Variants in TMEM132B observed in about 807,000 individuals in gnomAD.
TMEM132B encodes transmembrane protein 132B.
A neutral mutation model predicts 90.8 loss-of-function variants in TMEM132B; 18 were observed. The ratio of observed to expected loss-of-function variants is 0.20; its 90% CI spans 0.14 to 0.29. The LOEUF (loss-of-function observed/expected upper bound fraction) is 0.29. Among genes scored for constraint, TMEM132B ranks in the 10% least tolerant of loss-of-function variants. TMEM132B has a pLI of 1.00. For synonymous variants in TMEM132B, 504 were observed against 523.3 expected, an observed-to-expected ratio of 0.96 and a Z score of 0.50; for missense variants, 1,096 against 1,326.8, an observed-to-expected ratio of 0.83 and a Z score of 2.70.
At chr12:125,321,345 A>G (rs1161176082) in intron 1 of TMEM132B, among the ~76,000 whole-genome samples, 2 of 152,334 alleles carry the variant, frequency 1.3e-5, no homozygotes, top group East Asian at 3.9e-4. Context: ...ATGAGATACC[A>G]CTGCACAACC....
intron 1 of TMEM132B, among the ~76,000 whole-genome samples, chr12:125,196,990 ATT>A (rs1872939217): frequency 6.6e-6 from 1 of 152,064 alleles, no homozygotes; most frequent in Non-Finnish European, 1.5e-5. Flanking sequence ...AATCACTAAG[ATT>A]TTTGTTTTTA....
At chr12:125,303,550 ATCAACTGCCAAACTGTTTC>A (rs1875885531) in intron 1 of TMEM132B, among the ~76,000 whole-genome samples, 1 of 152,156 alleles carries the variant, frequency 6.6e-6, no homozygotes, top group Middle Eastern at 3.2e-3. Flanking sequence ...TAACTTTTTG[ATCAACTGCCAAACTGTTTC>A]CTACAGCAGC....
chr12:125,457,344 G>A (rs1881318876), intron 3 of TMEM132B, among the ~76,000 whole-genome samples: 1 of 152,060 alleles, frequency 6.6e-6, no homozygotes, highest in African/African-American at 2.4e-5. Context: ...CACCATTTTA[G>A]CTCCTAATTG....
chr12:125,494,040 C>G (rs1410718131), intron 3 of TMEM132B, among the ~76,000 whole-genome samples: 2 of 138,592 alleles, frequency 1.4e-5, no homozygotes, highest in African/African-American at 5.5e-5. Flanking sequence ...ATGGATGCGT[C>G]CCTCCTCCCC....
intron 2 of TMEM132B, among the ~76,000 whole-genome samples, chr12:125,391,744 C>T (rs1879026649): frequency 6.6e-6 from 1 of 152,172 alleles, no homozygotes. Flanking sequence ...GAGGGATTCC[C>T]TCCAGTTAAA....
At chr12:125,340,212 T>C (rs1177301991) in intron 1 of TMEM132B, among the ~76,000 whole-genome samples, 1 of 152,062 alleles carries the variant, frequency 6.6e-6, no homozygotes, top group Admixed American at 6.5e-5. Context: ...TGTAAGTGGG[T>C]GTTAGTGAAT....
chr12:125,244,390 G>A (rs1303130283), intron 1 of TMEM132B, among the ~76,000 whole-genome samples: 11 of 152,194 alleles, frequency 7.2e-5, no homozygotes, highest in Non-Finnish European at 1.6e-4. Context: ...CGCGCTATGG[G>A]GAGAGGATGG....
intron 1 of TMEM132B, among the ~76,000 whole-genome samples, chr12:125,272,668 A>G (rs1197101171): frequency 1.3e-5 from 2 of 152,198 alleles, no homozygotes; most frequent in Admixed American, 6.5e-5. Flanking sequence ...CTGATTCACA[A>G]TTGTCTCCAT....
intron 5 of TMEM132B, among the ~76,000 whole-genome samples, chr12:125,618,221 A>G (rs542140265): frequency 6.6e-6 from 1 of 152,252 alleles, no homozygotes; most frequent in South Asian, 2.1e-4. Context: ...ATTGGAACTT[A>G]TGGCCTATGA....
At chr12:125,422,524 C>T (rs1036597453) in intron 3 of TMEM132B, among the ~76,000 whole-genome samples, 2 of 152,158 alleles carry the variant, frequency 1.3e-5, no homozygotes, top group African/African-American at 4.8e-5. Flanking sequence ...AAAGCATGCC[C>T]CCTCAAAAGA....
chr12:125,328,644 C>T (rs1876664126), intron 1 of TMEM132B, among the ~76,000 whole-genome samples: 1 of 152,194 alleles, frequency 6.6e-6, no homozygotes, highest in South Asian at 2.1e-4. Flanking sequence ...TCTTCTGCTT[C>T]TAAGGTCACC....
intron 1 of TMEM132B, among the ~76,000 whole-genome samples, chr12:125,287,339 T>A (rs1875390036): frequency 6.6e-6 from 1 of 152,190 alleles, no homozygotes; most frequent in Non-Finnish European, 1.5e-5. Context: ...TTTTACCATG[T>A]AAGGTAACAT....
At chr12:125,266,147 C>G (rs1228219898) in intron 1 of TMEM132B, among the ~76,000 whole-genome samples, 1 of 152,030 alleles carries the variant, frequency 6.6e-6, no homozygotes, top group East Asian at 1.9e-4. Context: ...GAGAATTACT[C>G]GAACCCTGGA....
At chr12:125,446,557 C>CT (rs1218180670) in intron 3 of TMEM132B, among the ~76,000 whole-genome samples, 1 of 152,048 alleles carries the variant, frequency 6.6e-6, no homozygotes, top group African/African-American at 2.4e-5. Context: ...TTCTAGACTC[C>CT]TTTTTTCTCA....
rs1392528184 is a variant in TMEM132B, at chr12:125,189,364, T to C, written c.67+2498T>C. Among the ~76,000 whole-genome samples the C allele has an allele frequency of 2.6e-5, 4 of 152,254 alleles. No homozygotes were observed. In the East Asian group the frequency reaches 5.8e-4, roughly 22 times the overall value. On this transcript the variant is annotated intron_variant, in intron 1 of 8. Coordinates refer to ENST00000682704, the MANE Select transcript of TMEM132B (RefSeq NM_001366854.1). ...CGTTGACTCATTATGCACGGGGGTC[T>C]AGGGTCTATGAAATCAGGGTGGGTG...
chr12:125,295,550 C>CAGAGAGAG (rs1307637713), intron 1 of TMEM132B, among the ~76,000 whole-genome samples: 1 of 137,536 alleles, frequency 7.3e-6, no homozygotes, highest in Non-Finnish European at 1.6e-5. Context: ...GAGACAGAGA[C>CAGAGAGAG]AGAGACAGAG....
rs561795248 is a variant in TMEM132B at position 125,605,965 on chromosome 12, A to G, written c.1437+21971A>G. Among the ~76,000 whole-genome samples, 24 of 152,370 alleles carry G rather than the reference A, an allele frequency of 1.6e-4. 1 individual carries two copies. In the South Asian group the frequency reaches 4.6e-3, roughly 29 times the overall value. On this transcript the variant is annotated intron_variant, in intron 5 of 8. Coordinates refer to ENST00000682704, the MANE Select transcript of TMEM132B (RefSeq NM_001366854.1). The stretch of plus-strand genomic sequence containing the variant: ...AAGCTGGCATCAGAAACAAGAGGGT[A>G]AAAATGATGGCAGTATTTTGGTGGA...
chr12:125,412,590 T>G (rs1879883502), intron 2 of TMEM132B, among the ~76,000 whole-genome samples: 1 of 152,148 alleles, frequency 6.6e-6, no homozygotes, highest in Admixed American at 6.5e-5. Flanking sequence ...GTCTGATTTG[T>G]TCATCTGGAT....
At chr12:125,378,300 C>G (rs1194980587) in intron 2 of TMEM132B, among the ~76,000 whole-genome samples, 1 of 152,178 alleles carries the variant, frequency 6.6e-6, no homozygotes, top group Non-Finnish European at 1.5e-5. Context: ...TGGTTCAGAT[C>G]CCTATTCTGC....
Sources: allele counts gnomAD v4.1 joint callset (sites outside exome capture counted in the v4.1 genomes callset), GRCh38; gene constraint gnomAD v4.1.1; transcripts MANE v1.5; gene names NCBI Gene and HGNC (gene_info 2026-07-23, HGNC 2026-07-21).